Variants in SMARCD3 observed in about 807,000 individuals in gnomAD.
The protein encoded by SMARCD3 is SWI/SNF related BAF chromatin remodeling complex subunit D3.
Under a neutral mutation model 58.0 loss-of-function variants are expected in SMARCD3, and 14 were observed. The observed-to-expected ratio is 0.24, with a 90% CI of 0.16 to 0.38. The LOEUF is 0.38. Among genes scored for constraint, SMARCD3 ranks in the 10% least tolerant of loss-of-function variants. The pLI is 1.00. For missense variants in SMARCD3, 408 were observed against 636.9 expected (o/e 0.64, Z 3.87); for synonymous variants, 253 against 253.8 (o/e 1.00, Z 0.03).
At position 151,243,440 on chromosome 7, in the gene SMARCD3, A is replaced by ACCCC. The variant is rs1006674052; in HGVS notation, c.333+215_333+218dup. ...AGCTCTATAGTACCACTTGGATCAA[A>ACCCC]CCCCCTGACAGGCCCCTGTGTTCTG... On this transcript the variant is annotated intron_variant, in intron 3 of 12. Coordinates refer to ENST00000262188, the MANE Select transcript of SMARCD3 (RefSeq NM_001003801.2). This position sits in a 1 kb window ranked among gnomAD's most constrained non-coding sequence, Gnocchi z 4.4. 6.6e-6 allele frequency among the ~76,000 whole-genome samples: 1 copy of ACCCC among 151,342 alleles called. No homozygotes were observed. The highest frequency in any genetic ancestry group is 1.5e-5 in the Non-Finnish European group (1 of 67,820).
Position 151,243,632 on chromosome 7 carries a change from C to T in SMARCD3, c.333+27G>A. The T allele has an allele frequency of 2.1e-6, 3 of 1,458,176 alleles. No homozygotes were observed. The highest frequency in any genetic ancestry group is 2.9e-6 in the Non-Finnish European group (3 of 1,040,084). 90.3% of individuals were successfully genotyped at this position (1,458,176 alleles called of 1,614,324 possible). ...GGAGCAGCAAAGGGTGGGGGGTGGG[C>T]TGGGGGCTGCTGTGAAAGGCACTCA... On this transcript the variant is annotated intron_variant, in intron 3 of 12. Coordinates refer to ENST00000262188, the MANE Select transcript of SMARCD3 (RefSeq NM_001003801.2). This position sits in a 1 kb window ranked among gnomAD's most constrained non-coding sequence, Gnocchi z 4.4.
At chr7:151,276,525 G>A (rs1188841254) in intron 1 of SMARCD3, among the ~76,000 whole-genome samples, 1 of 145,512 alleles carries the variant, frequency 6.9e-6, no homozygotes, top group African/African-American at 2.6e-5. Flanking sequence ...GAGAGGGAAG[G>A]AGGGGAAGAT....
chr7:151,250,429 G>T (rs1803477293), upstream of SMARCD3, among the ~76,000 whole-genome samples: 1 of 151,808 alleles, frequency 6.6e-6, no homozygotes, highest in Non-Finnish European at 1.5e-5. Context: ...TGGGAACCTG[G>T]GGAAGTGACT....
At chr7:151,253,385 C>G (rs910450551), upstream of SMARCD3, among the ~76,000 whole-genome samples, 1 of 152,184 alleles carries the variant, frequency 6.6e-6, no homozygotes. Flanking sequence ...ACCCCTACAC[C>G]TTCAGCATCC....
At chr7:151,275,372 AG>A (rs1437588476) in intron 1 of SMARCD3, 5 of 570,704 alleles carry the variant, frequency 8.8e-6, no homozygotes, top group African/African-American at 7.5e-5. Context: ...TGCAGAAAAA[AG>A]GGCCTAGGAT....
In SMARCD3 at chr7:151,245,603, C is replaced by CAT; in HGVS notation, c.146_147insAT (p.Tyr50CysfsTer99). 8.6e-7 allele frequency: 1 copy of CAT among 1,159,028 alleles called. No individual in the cohort carries two copies. Among genetic ancestry groups the CAT allele is most frequent in the Non-Finnish European group, 1.1e-6 (1 of 926,972 alleles). The allele number at this position is 1,159,028 out of a possible 1,614,324, so 71.8% of individuals were successfully genotyped here. On this transcript the variant is annotated frameshift_variant, in exon 2 of 13. Coordinates refer to ENST00000262188, the MANE Select transcript of SMARCD3 (RefSeq NM_001003801.2). LOFTEE classifies it high-confidence loss of function. This position sits in a 1 kb window ranked among gnomAD's most constrained non-coding sequence, Gnocchi z 6.2. ...GTCGCACGGCGGGGCTGCCCATGTACGGGGAGCCCGGGGGGCCCATGGGCG... is the reference window on the plus strand; with the variant it reads ...GTCGCACGGCGGGGCTGCCCATGTACATGGGGAGCCCGGGGGGCCCATGGGCG...
intron 2 of SMARCD3, among the ~76,000 whole-genome samples, chr7:151,258,948 G>A (rs111591104): frequency 5.5e-4 from 83 of 152,060 alleles, no homozygotes; most frequent in African/African-American, 1.6e-3. Context: ...CCCTCCACAC[G>A]CCCATTTCTT....
chr7:151,274,563 T>C (rs1795280930), intron 2 of SMARCD3, among the ~76,000 whole-genome samples: 1 of 152,244 alleles, frequency 6.6e-6, no homozygotes. Context: ...ACCTCCCTCC[T>C]GCCACAAGCG....
At chr7:151,250,667 A>G (rs1803484360), upstream of SMARCD3, among the ~76,000 whole-genome samples, 1 of 151,964 alleles carries the variant, frequency 6.6e-6, no homozygotes, top group Non-Finnish European at 1.5e-5. Flanking sequence ...GCTCATTGCC[A>G]TCTACCCAGC....
chr7:151,259,903 C>A (rs1803861947), intron 2 of SMARCD3, among the ~76,000 whole-genome samples: 1 of 152,040 alleles, frequency 6.6e-6, no homozygotes, highest in Non-Finnish European at 1.5e-5. Flanking sequence ...AGCCACCACG[C>A]CTGGCCAAGA....
At chr7:151,250,324 G>A (rs1287418014), upstream of SMARCD3, among the ~76,000 whole-genome samples, 1 of 151,902 alleles carries the variant, frequency 6.6e-6, no homozygotes, top group African/African-American at 2.4e-5. Context: ...CTTTAGCCTA[G>A]ACTACCCCCC....
chr7:151,264,220 G>A (rs113099669), intron 2 of SMARCD3, among the ~76,000 whole-genome samples: 5,315 of 152,044 alleles, frequency 0.035, 320 homozygotes, highest in African/African-American at 0.12. Flanking sequence ...CACCACACCT[G>A]GCTAATTTTT....
chr7:151,271,043 G>A (rs1287478437), intron 2 of SMARCD3, among the ~76,000 whole-genome samples: 1 of 152,168 alleles, frequency 6.6e-6, no homozygotes, highest in Non-Finnish European at 1.5e-5. Flanking sequence ...CCACCCCACT[G>A]CAGAGGGGCC....
At chr7:151,258,471 A>C (rs2150606593) in intron 2 of SMARCD3, among the ~76,000 whole-genome samples, 1 of 150,882 alleles carries the variant, frequency 6.6e-6, no homozygotes, top group East Asian at 2.0e-4. Context: ...AGGCTGAGGC[A>C]GGAGAATCGC....
chr7:151,240,301 G>A, intron 9 of SMARCD3, 54 bp from the exon 10 acceptor site: 1 of 1,612,368 alleles, frequency 6.2e-7, no homozygotes, highest in Admixed American at 1.7e-5. Context: ...CGGCCCCAGG[G>A]CCCCGGGGCT....
chr7:151,263,797 G>T (rs1186729709), intron 2 of SMARCD3, among the ~76,000 whole-genome samples: 1 of 152,142 alleles, frequency 6.6e-6, no homozygotes, highest in Non-Finnish European at 1.5e-5. Flanking sequence ...TGGCCAGAGT[G>T]ATCTTTTAAA....
Position 151,239,680 on chromosome 7 carries a change from T to C in SMARCD3, c.1240A>G (p.Arg414Gly). 1 of 1,614,078 alleles carries C rather than the reference T, an allele frequency of 6.2e-7. No homozygotes were observed. The highest frequency in any genetic ancestry group is 1.1e-5 in the South Asian group (1 of 91,080). ...TCTTGGACATAGCCTTTGGGGTCTCTGGAGAAGCTTAGCATGAAGTCCCTC... is the reference window on the plus strand; with the variant it reads ...TCTTGGACATAGCCTTTGGGGTCTCCGGAGAAGCTTAGCATGAAGTCCCTC... The part of the protein sequence containing the change: ...IQRDFMLSFS[R>G]DPKGYVQDLL... Residue 414 changes from arginine (R) to glycine (G), a missense_variant, in exon 11 of 13, where the codon AGA becomes GGA. Physicochemically the swap from Arg to Gly is moderately radical, Grantham distance 125 (BLOSUM62 -2). Transcript: ENST00000262188. The surrounding 1 kb of genome is among the most constrained non-coding windows in gnomAD (Gnocchi z 7.0).
intron 2 of SMARCD3, among the ~76,000 whole-genome samples, chr7:151,254,688 C>T (rs1803643624): frequency 6.6e-6 from 1 of 152,200 alleles, no homozygotes; most frequent in Admixed American, 6.5e-5. Context: ...CTCCAATTCT[C>T]CTCTCTGTCT....
intron 2 of SMARCD3, chr7:151,275,015 G>A (rs111782223): frequency 1.8e-5 from 17 of 955,418 alleles, no homozygotes; most frequent in African/African-American, 1.4e-4. Flanking sequence ...GAAATGCCGG[G>A]AGGGGGCCAT....
Sources: allele counts gnomAD v4.1 joint callset (sites outside exome capture counted in the v4.1 genomes callset), GRCh38; gene constraint gnomAD v4.1.1; non-coding constraint Gnocchi (gnomAD v3.1); transcripts MANE v1.5; gene names NCBI Gene and HGNC (gene_info 2026-07-23, HGNC 2026-07-21).